The following ATG16L1 variants were observed in gnomAD, a reference collection of about 807,000 sequenced individuals.
The protein encoded by ATG16L1 is autophagy related 16 like 1.
ATG16L1 carries 37 observed loss-of-function variants against 88.5 expected under a neutral mutation model. That is an observed-to-expected ratio of 0.42 (90% confidence interval 0.32 to 0.55). The LOEUF (loss-of-function observed/expected upper bound fraction) is 0.55, where lower values mean the gene tolerates loss of function less well. Among genes scored for constraint, ATG16L1 ranks in the 20% least tolerant of loss-of-function variants. The pLI, the probability that ATG16L1 is intolerant of heterozygous loss-of-function variation, is 0.13. For synonymous variants in ATG16L1, 301 were observed against 281.0 expected (o/e 1.07, Z -0.71); for missense variants, 554 against 752.8 (o/e 0.74, Z 3.09).
intron 6 of ATG16L1, among the ~76,000 whole-genome samples, chr2:233,270,380 T>TA (rs1406628098): frequency 6.6e-6 from 1 of 152,240 alleles, no homozygotes; most frequent in Admixed American, 6.5e-5. Context: ...CATGTACTGA[T>TA]ACGGCCTTTG....
chr2:233,258,745 G>A (rs1696988828), intron 2 of ATG16L1, among the ~76,000 whole-genome samples: 1 of 152,188 alleles, frequency 6.6e-6, no homozygotes, highest in South Asian at 2.1e-4. Flanking sequence ...TGCCCAGGCT[G>A]GAGTGCAGTG....
chr2:233,274,829 C>G, intron 9 of ATG16L1, 51 bp downstream of exon 9: 2 of 1,381,750 alleles, frequency 1.4e-6, no homozygotes, highest in Non-Finnish European at 2.0e-6. Flanking sequence ...GGTGACAGAG[C>G]CTGGCAATTA....
chr2:233,268,615 T>G (rs1445501794), intron 5 of ATG16L1, among the ~76,000 whole-genome samples: 2 of 152,222 alleles, frequency 1.3e-5, no homozygotes, highest in Non-Finnish European at 2.9e-5. Flanking sequence ...CAACAAGTGC[T>G]TTAATCATAG....
rs572719929 is a variant in ATG16L1 at position 233,251,835 on chromosome 2, C to T, written c.8C>T (p.Ser3Leu). The T allele has an allele frequency of 1.3e-6, 2 of 1,549,698 alleles. No individual in the cohort carries two copies. Among genetic ancestry groups the T allele is most frequent in the East Asian group, 2.4e-5 (1 of 40,914 alleles). Residue 3 changes from serine to leucine, a missense_variant, in exon 1 of 18, where the codon TCG (serine) becomes TTG (leucine). By Grantham distance (145) the Ser-to-Leu change is moderately radical. Transcript: ENST00000392017. MS[S>L]GLRAADFPRW... The stretch of plus-strand genomic sequence containing the variant: ...GCCGGGGCAGCAAGTGACATGTCGT[C>T]GGGCCTCCGCGCCGCTGACTTCCCC...
chr2:233,279,777 T>C (rs1364333074), intron 10 of ATG16L1, among the ~76,000 whole-genome samples: 1 of 150,386 alleles, frequency 6.6e-6, no homozygotes. Context: ...CCGTATCTTG[T>C]AGATAATTAA....
chr2:233,263,510 C>T (rs1697357485), intron 3 of ATG16L1, among the ~76,000 whole-genome samples: 1 of 152,054 alleles, frequency 6.6e-6, no homozygotes, highest in Non-Finnish European at 1.5e-5. Flanking sequence ...CTTTAAAGAA[C>T]AAAAAAGCCT....
intron 12 of ATG16L1, among the ~76,000 whole-genome samples, chr2:233,285,280 C>T (rs972042039): frequency 6.6e-6 from 1 of 152,040 alleles, no homozygotes; most frequent in African/African-American, 2.4e-5. Flanking sequence ...TATGATAGTC[C>T]CTTAGAGGAG....
intron 5 of ATG16L1, among the ~76,000 whole-genome samples, chr2:233,269,188 T>C (rs1397491403): frequency 7.2e-5 from 11 of 152,258 alleles, no homozygotes. Flanking sequence ...ATGTAAACTT[T>C]GACATTTCAA....
At chr2:233,275,585 G>T (rs1031240230) in intron 9 of ATG16L1, 82 of 411,736 alleles carry the variant, frequency 2.0e-4, no homozygotes, top group African/African-American at 1.5e-3. Context: ...TAGTTACACA[G>T]TGGACTGGCT....
intron 2 of ATG16L1, among the ~76,000 whole-genome samples, chr2:233,261,814 T>C (rs1026344441): frequency 2.0e-5 from 3 of 152,212 alleles, no homozygotes. Flanking sequence ...GTTCTAGTTG[T>C]CTTCTGCTGT....
chr2:233,263,052 A>G (rs1165362204), intron 2 of ATG16L1, 78 bp from the exon 3 acceptor site: 2 of 1,237,338 alleles, frequency 1.6e-6, no homozygotes, highest in African/African-American at 1.5e-5. Context: ...TCATTGCCTA[A>G]TTGGAAAGGT....
intron 7 of ATG16L1, 173 bp downstream of exon 7, chr2:233,273,225 C>CTTCCCTCCCA: frequency 1.7e-6 from 1 of 589,354 alleles, no homozygotes; most frequent in Non-Finnish European, 3.0e-6. Context: ...TTCACCTCTG[C>CTTCCCTCCCA]TTAATGGGAG....
chr2:233,291,933 G>A (rs1368497094), intron 14 of ATG16L1, among the ~76,000 whole-genome samples, 195 bp from the exon 15 acceptor site: 2 of 152,198 alleles, frequency 1.3e-5, no homozygotes, highest in African/African-American at 4.8e-5. Context: ...TCTAGTCTGG[G>A]AATGACTGTC....
rs181124876 is a variant in ATG16L1, at chr2:233,277,807, T to C, written c.1060+134T>C. On this transcript the variant is annotated intron_variant, in intron 10 of 17. Transcript: ENST00000392017. ...GTGAATTGTTCATTTTCTCAAAACA[T>C]ACATTTTATGTAAGGGATCGTTTGA... 3.7e-5 allele frequency: 27 copies of C among 724,868 alleles called. No individual in the cohort carries two copies. In the Admixed American group the frequency reaches 6.1e-4, roughly 16 times the overall value. The allele number at this position is 724,868 out of a possible 1,614,324, so 44.9% of individuals were successfully genotyped here.
chr2:233,258,507 T>C (rs775559451), intron 2 of ATG16L1, among the ~76,000 whole-genome samples: 3 of 152,242 alleles, frequency 2.0e-5, no homozygotes, highest in Admixed American at 6.5e-5. Flanking sequence ...ACTTAAGATA[T>C]TAGTTTTAGT....
intron 2 of ATG16L1, among the ~76,000 whole-genome samples, chr2:233,259,463 A>G (rs1697046810): frequency 6.6e-6 from 1 of 152,138 alleles, no homozygotes; most frequent in Non-Finnish European, 1.5e-5. Flanking sequence ...AACTTTAAGC[A>G]CCAGTTATTG....
intron 1 of ATG16L1, among the ~76,000 whole-genome samples, chr2:233,252,880 C>T (rs1334828031): frequency 6.6e-6 from 1 of 152,164 alleles, no homozygotes; most frequent in Non-Finnish European, 1.5e-5. Flanking sequence ...GTAAACCTGA[C>T]GACTTTCTCA....
intron 4 of ATG16L1, among the ~76,000 whole-genome samples, chr2:233,264,487 T>G (rs980334491): frequency 2.0e-4 from 30 of 152,196 alleles, no homozygotes; most frequent in African/African-American, 6.5e-4. Context: ...ATGGGGACTC[T>G]GAATCCTGAG....
chr2:233,259,420 T>A (rs139830948), intron 2 of ATG16L1, among the ~76,000 whole-genome samples: 2,884 of 152,328 alleles, frequency 0.019, 25 homozygotes, highest in South Asian at 0.036. Flanking sequence ...CCAGCTTTAA[T>A]GAGCAAGAGC....
Sources: gnomAD v4.1 joint callset for allele counts (sites outside exome capture counted in the v4.1 genomes callset) on GRCh38, gnomAD v4.1.1 for gene constraint, MANE v1.5 for transcripts, NCBI Gene and HGNC (gene_info 2026-07-23, HGNC 2026-07-21) for gene names.